Variants in TANK observed in about 807,000 individuals in gnomAD.
The protein encoded by TANK is TRAF family member associated NFKB activator, also known as TRAF family member-associated NF-kappa-B activator.
In TANK, 15 loss-of-function variants were observed where a neutral mutation model predicts 43.6. That is an observed-to-expected ratio of 0.34 (90% confidence interval 0.23 to 0.53). The LOEUF (loss-of-function observed/expected upper bound fraction) is 0.53, where lower values mean the gene tolerates loss of function less well. TANK is among the 20% of genes least tolerant of loss of function. The pLI is 0.94. For synonymous variants in TANK, 162 were observed against 178.2 expected (o/e 0.91, Z 0.73); for missense variants, 417 against 498.6 (o/e 0.84, Z 1.56).
At chr2:161,228,098 G>C (rs1172067450) in intron 6 of TANK, among the ~76,000 whole-genome samples, 1 of 152,176 alleles carries the variant, frequency 6.6e-6, no homozygotes, top group Non-Finnish European at 1.5e-5. Context: ...AAACAAAACA[G>C]TTTAAGACCT....
intron 6 of TANK, among the ~76,000 whole-genome samples, chr2:161,228,757 G>A (rs1260416002): frequency 6.6e-6 from 1 of 152,138 alleles, no homozygotes. Context: ...TTCACGGTAA[G>A]TGCTCTATAC....
intron 2 of TANK, among the ~76,000 whole-genome samples, chr2:161,182,931 G>C (rs1163726536): frequency 1.3e-5 from 2 of 152,150 alleles, no homozygotes; most frequent in Non-Finnish European, 2.9e-5. Context: ...GCAGGAGAAG[G>C]TTAGAGAGAC....
chr2:161,174,647 CTT>C (rs1376105092), intron 1 of TANK, among the ~76,000 whole-genome samples: 2 of 152,152 alleles, frequency 1.3e-5, no homozygotes, highest in African/African-American at 4.8e-5. Flanking sequence ...TATCCAAACT[CTT>C]TGTCTTAATA....
chr2:161,140,935 CTAT>C (rs1252936059), intron 1 of TANK, among the ~76,000 whole-genome samples: 23 of 152,014 alleles, frequency 1.5e-4, no homozygotes, highest in Non-Finnish European at 2.9e-4. Context: ...ACAGCATCCC[CTAT>C]TATTAACAAC....
chr2:161,151,156 A>G (rs1253896007), intron 1 of TANK, among the ~76,000 whole-genome samples: 1 of 152,178 alleles, frequency 6.6e-6, no homozygotes, highest in Non-Finnish European at 1.5e-5. Context: ...TATGATTTCA[A>G]TCTTTTTAAA....
At chr2:161,162,851 A>G (rs1390443851) in intron 1 of TANK, 1 of 152,124 alleles carries the variant, frequency 6.6e-6, no homozygotes, top group East Asian at 1.9e-4. Context: ...TATATTCATT[A>G]CTTCTTAACA....
At chr2:161,184,787 A>T (rs1264461283) in intron 2 of TANK, among the ~76,000 whole-genome samples, 1 of 152,130 alleles carries the variant, frequency 6.6e-6, no homozygotes, top group Non-Finnish European at 1.5e-5. Flanking sequence ...TAAGATCTAT[A>T]ATTAGGTTTT....
At chr2:161,150,922 C>T (rs1684062208) in intron 1 of TANK, among the ~76,000 whole-genome samples, 1 of 152,232 alleles carries the variant, frequency 6.6e-6, no homozygotes, top group South Asian at 2.1e-4. Context: ...ACATTTACTG[C>T]TATTAATTTT....
chr2:161,154,729 A>G (rs1684176191), intron 1 of TANK, among the ~76,000 whole-genome samples: 1 of 152,060 alleles, frequency 6.6e-6, no homozygotes, highest in African/African-American at 2.4e-5. Flanking sequence ...CTCTATTAAC[A>G]TAAAAATTAA....
At chr2:161,206,573 A>G in intron 4 of TANK, among the ~76,000 whole-genome samples, 1 of 152,226 alleles carries the variant, frequency 6.6e-6, no homozygotes, top group Middle Eastern at 3.4e-3. Context: ...CTTAGTACAT[A>G]TATTTTTATT....
At chr2:161,212,032 C>T in intron 4 of TANK, 2 of 852,102 alleles carry the variant, frequency 2.3e-6, no homozygotes, top group Non-Finnish European at 2.8e-6. Flanking sequence ...ATTAAAAGTT[C>T]AGTTTTTTCC....
intron 4 of TANK, among the ~76,000 whole-genome samples, chr2:161,215,615 G>A (rs534796858): frequency 4.6e-5 from 7 of 152,206 alleles, no homozygotes; most frequent in African/African-American, 1.7e-4. Flanking sequence ...TCTGGGATCT[G>A]AAATCAATAC....
chr2:161,224,077 T>A, intron 5 of TANK, 86 bp downstream of exon 5: 1 of 929,772 alleles, frequency 1.1e-6, no homozygotes, highest in Non-Finnish European at 1.6e-6. Context: ...GCTTTAACAA[T>A]TGCAAAAAAA....
At chr2:161,228,517 A>G (rs1014270547) in intron 6 of TANK, among the ~76,000 whole-genome samples, 1 of 152,220 alleles carries the variant, frequency 6.6e-6, no homozygotes, top group African/African-American at 2.4e-5. Context: ...CCTGGGCAAC[A>G]AGAGCGAAGC....
At chr2:161,153,041 G>A (rs575980879) in intron 1 of TANK, among the ~76,000 whole-genome samples, 2 of 152,114 alleles carry the variant, frequency 1.3e-5, no homozygotes, top group East Asian at 3.9e-4. Context: ...ACAATGCATA[G>A]AAGGTAAGCT....
In TANK at chr2:161,224,718, C is replaced by A; in HGVS notation, c.492C>A (p.Ser164Arg). 1 of 1,573,082 alleles carries A rather than the reference C, an allele frequency of 6.4e-7. No homozygotes were observed. Among genetic ancestry groups the A allele is most frequent in the Non-Finnish European group, 8.6e-7 (1 of 1,158,486 alleles). The change falls in exon 6 of 8, where the codon AGC (serine) becomes AGA (arginine). Residue 164 changes from serine to arginine, a missense_variant. Physicochemically the swap from Ser to Arg is moderately radical, Grantham distance 110 (BLOSUM62 -1). Coordinates refer to ENST00000392749, the MANE Select transcript of TANK (RefSeq NM_001199135.3). ...MLAKAQKDHL[S>R]KLNIPDTATE... ...CAAAAGCACAGAAAGACCACTTAAG[C>A]AAACTTAATATACCAGACACTGCAA...
chr2:161,176,017 G>A (rs1419762420), intron 1 of TANK, among the ~76,000 whole-genome samples: 4 of 152,134 alleles, frequency 2.6e-5, no homozygotes, highest in Non-Finnish European at 5.9e-5. Context: ...ACCCTAACTA[G>A]GAGAGTGTTT....
chr2:161,144,873 A>T (rs1021997649), intron 1 of TANK, among the ~76,000 whole-genome samples: 10 of 152,230 alleles, frequency 6.6e-5, no homozygotes, highest in Middle Eastern at 3.4e-3. Flanking sequence ...TATCTCGTTG[A>T]TCTGTCTAAT....
At chr2:161,224,851 G>T (rs1323226816) in intron 6 of TANK, 105 bp downstream of exon 6, 1 of 624,468 alleles carries the variant, frequency 1.6e-6, no homozygotes, top group Non-Finnish European at 2.7e-6. Context: ...TGTAGCATCT[G>T]TAATTTACCC....
Sources: gnomAD v4.1 joint callset for allele counts (sites outside exome capture counted in the v4.1 genomes callset) on GRCh38, gnomAD v4.1.1 for gene constraint, MANE v1.5 for transcripts, NCBI Gene and HGNC (gene_info 2026-07-23, HGNC 2026-07-21) for gene names.